The following VEZT variants were observed in gnomAD, a reference collection of about 807,000 sequenced individuals.
The protein encoded by VEZT is vezatin, adherens junctions transmembrane protein.
VEZT carries 39 observed loss-of-function variants against 79.9 expected under a neutral mutation model. The observed-to-expected ratio is 0.49, with a 90% CI of 0.38 to 0.64. The LOEUF is 0.64. VEZT is among the 30% of genes least tolerant of loss of function. The probability of loss-of-function intolerance (pLI) is 0.00; values close to 1 mark genes in which losing one functional copy is unlikely to be tolerated. For missense variants in VEZT, 837 were observed against 893.1 expected (o/e 0.94, Z 0.80); for synonymous variants, 325 against 327.6 (o/e 0.99, Z 0.09).
At chr12:95,234,284 CTTTTTT>C (rs10587022) in intron 1 of VEZT, among the ~76,000 whole-genome samples, 2 of 122,950 alleles carry the variant, frequency 1.6e-5, no homozygotes, top group Non-Finnish European at 1.7e-5. Flanking sequence ...TATCAATAAT[CTTTTTT>C]TTTTTTTTTT....
chr12:95,239,702 A>G (rs1208727168), intron 1 of VEZT, among the ~76,000 whole-genome samples: 2 of 152,192 alleles, frequency 1.3e-5, no homozygotes, highest in Non-Finnish European at 2.9e-5. Flanking sequence ...CTGTAATCCC[A>G]GCACTTTAGG....
chr12:95,240,514 C>A (rs1373195218), intron 1 of VEZT, among the ~76,000 whole-genome samples: 1 of 152,120 alleles, frequency 6.6e-6, no homozygotes, highest in Non-Finnish European at 1.5e-5. Flanking sequence ...TTATTTTCTT[C>A]AGATATTTTT....
chr12:95,230,479 G>T (rs1374996739), intron 1 of VEZT, among the ~76,000 whole-genome samples: 1 of 142,034 alleles, frequency 7.0e-6, no homozygotes, highest in African/African-American at 2.6e-5. Context: ...TGCAAGTATT[G>T]CAATCATAGC....
At chr12:95,223,975 G>A (rs1297825201) in intron 1 of VEZT, among the ~76,000 whole-genome samples, 1 of 152,068 alleles carries the variant, frequency 6.6e-6, no homozygotes, top group East Asian at 1.9e-4. Flanking sequence ...TGCTTCAGTT[G>A]TATCACGAAA....
chr12:95,292,039 A>G (rs149196231), intron 9 of VEZT, among the ~76,000 whole-genome samples: 3,292 of 152,228 alleles, frequency 0.022, 47 homozygotes, highest in Admixed American at 0.032. Flanking sequence ...ACCTCAAGTG[A>G]TCAGCCCATA....
chr12:95,229,531 T>G (rs1035916437), intron 1 of VEZT, among the ~76,000 whole-genome samples: 2 of 152,238 alleles, frequency 1.3e-5, no homozygotes, highest in African/African-American at 4.8e-5. Flanking sequence ...AAATTTTTCT[T>G]AAATCCATTC....
At chr12:95,297,020 T>C (rs2074296716) in intron 11 of VEZT, 1 of 152,278 alleles carries the variant, frequency 6.6e-6, no homozygotes. Flanking sequence ...TCATTAGCAT[T>C]ATTTAAGTGG....
chr12:95,297,989 G>A (rs1192327123), intron 11 of VEZT, among the ~76,000 whole-genome samples: 5 of 152,074 alleles, frequency 3.3e-5, no homozygotes, highest in South Asian at 2.1e-4. Flanking sequence ...GTGTGATGGC[G>A]CACACCTATA....
chr12:95,223,376 G>A (rs956803058), intron 1 of VEZT, among the ~76,000 whole-genome samples: 2 of 152,050 alleles, frequency 1.3e-5, no homozygotes, highest in Admixed American at 6.5e-5. Context: ...GCACAAATTA[G>A]ATCTGATTGT....
chr12:95,267,573 A>T (rs1294127063), intron 5 of VEZT, among the ~76,000 whole-genome samples: 1 of 152,234 alleles, frequency 6.6e-6, no homozygotes, highest in Non-Finnish European at 1.5e-5. Flanking sequence ...GCTCTAGAAC[A>T]TTACACAATC....
intron 1 of VEZT, among the ~76,000 whole-genome samples, chr12:95,234,446 C>G (rs893763092): frequency 1.2e-4 from 18 of 151,900 alleles, no homozygotes; most frequent in Admixed American, 1.3e-4. Flanking sequence ...TGCGCCACCA[C>G]CCCCGGCTAA....
At chr12:95,271,076 G>T (rs925630283) in intron 6 of VEZT, among the ~76,000 whole-genome samples, 1 of 152,096 alleles carries the variant, frequency 6.6e-6, no homozygotes, top group Admixed American at 6.6e-5. Flanking sequence ...TGAGAAAACT[G>T]AAATAGAGGT....
chr12:95,274,982 A>G (rs1314068538), intron 7 of VEZT, 93 bp downstream of exon 7: 2 of 1,445,004 alleles, frequency 1.4e-6, no homozygotes, highest in Non-Finnish European at 1.8e-6. Flanking sequence ...CGTTTGTTCC[A>G]CTCATTGTTT....
At chr12:95,238,063 T>A (rs1220855305) in intron 1 of VEZT, among the ~76,000 whole-genome samples, 1 of 152,156 alleles carries the variant, frequency 6.6e-6, no homozygotes, top group Admixed American at 6.5e-5. Context: ...GGTTGAGCAT[T>A]TTGAACCTTA....
Position 95,266,637 on chromosome 12 carries a change from G to T in VEZT, c.710+5G>T. The T allele has an allele frequency of 1.3e-6, 2 of 1,571,720 alleles. No individual in the cohort carries two copies. Among genetic ancestry groups the T allele is most frequent in the Non-Finnish European group, 1.7e-6 (2 of 1,161,696 alleles). ...GATTTCCAGAGGATTTACACTGTGAGTTCATTTTTTATTTTATTTCTTAAA... is the reference window on the plus strand; with the variant it reads ...GATTTCCAGAGGATTTACACTGTGATTTCATTTTTTATTTTATTTCTTAAA... On this transcript the variant is annotated splice_donor_5th_base_variant and intron_variant, in intron 5 of 11. Transcript: ENST00000436874.
At chr12:95,241,439 G>A (rs1161188209) in intron 1 of VEZT, among the ~76,000 whole-genome samples, 1 of 152,078 alleles carries the variant, frequency 6.6e-6, no homozygotes, top group African/African-American at 2.4e-5. Context: ...CAAGTAGCTG[G>A]GACCAGAGGC....
At chr12:95,273,516 G>A (rs2067048121) in intron 6 of VEZT, among the ~76,000 whole-genome samples, 1 of 152,140 alleles carries the variant, frequency 6.6e-6, no homozygotes, top group Non-Finnish European at 1.5e-5. Flanking sequence ...AGTAGTTTTT[G>A]CTGTATCCCT....
At chr12:95,286,338 T>G (rs2070864261) in intron 8 of VEZT, 34 of 446,460 alleles carry the variant, frequency 7.6e-5, no homozygotes, top group South Asian at 5.8e-4. Context: ...ACCAAGTTAG[T>G]CTTTCTTCAT....
chr12:95,253,928 C>T (rs1322476214), intron 2 of VEZT, among the ~76,000 whole-genome samples: 2 of 152,154 alleles, frequency 1.3e-5, no homozygotes, highest in Non-Finnish European at 2.9e-5. Context: ...AGCAAGACCC[C>T]ATCTCAAAAA....
Sources: allele counts gnomAD v4.1 joint callset (sites outside exome capture counted in the v4.1 genomes callset), GRCh38; gene constraint gnomAD v4.1.1; transcripts MANE v1.5; gene names NCBI Gene and HGNC (gene_info 2026-07-23, HGNC 2026-07-21).